The following SIN3B variants were observed in gnomAD, a reference collection of about 807,000 sequenced individuals.
SIN3B encodes the protein paired amphipathic helix protein Sin3b.
In SIN3B, 19 loss-of-function variants were observed where a neutral mutation model predicts 120.2. That is an observed-to-expected ratio of 0.16 (90% confidence interval 0.11 to 0.23). The LOEUF is 0.23. Ranked by LOEUF, SIN3B falls within the 10% of genes least tolerant of loss-of-function variation. The pLI, the probability that SIN3B is intolerant of heterozygous loss-of-function variation, is 1.00. For missense variants in SIN3B, 1,073 were observed against 1,573.0 expected, an observed-to-expected ratio of 0.68 and a Z score of 5.38; for synonymous variants, 654 against 653.2, an observed-to-expected ratio of 1.00 and a Z score of -0.02.
chr19:16,871,659 C>T (rs2144624118), intron 14 of SIN3B: 1 of 419,664 alleles, frequency 2.4e-6, no homozygotes, highest in South Asian at 3.1e-5. Context: ...GAGACCCCAT[C>T]CCCATCAGCA....
In SIN3B at chr19:16,876,636, C is replaced by T; in HGVS notation, c.2859+58C>T. On this transcript the variant is annotated intron_variant, in intron 16 of 18. Transcript: ENST00000248054. This position sits in a 1 kb window ranked among gnomAD's most constrained non-coding sequence, Gnocchi z 7.1. ...ACCAGGGAGCGCCTGAGGGCAGCAG[C>T]ATGGGGCTCCCACCAGCCAAGCGCA... 7.3e-7 allele frequency: 1 copy of T among 1,370,292 alleles called. No homozygotes were observed. Among genetic ancestry groups the T allele is most frequent in the African/African-American group, 1.4e-5 (1 of 70,036 alleles). The allele number at this position is 1,370,292 out of a possible 1,614,324, so 84.9% of individuals were successfully genotyped here. A position where few individuals can be genotyped will look rare whatever the true frequency, so the allele number is the denominator to read the frequency against.
At position 16,876,542 on chromosome 19, in the gene SIN3B, C is replaced by T. The variant is rs374038861; in HGVS notation, c.2823C>T (p.Thr941=). 24 of 1,613,374 alleles carry T rather than the reference C, an allele frequency of 1.5e-5. No homozygotes were observed. Among genetic ancestry groups the T allele is most frequent in the East Asian group, 2.2e-5 (1 of 44,876 alleles). ...TCATGACCATCGAGCTCCTGGACACCGAGGAGGCCCAGACGGAGGACCCTG... is the reference window on the plus strand; with the variant it reads ...TCATGACCATCGAGCTCCTGGACACTGAGGAGGCCCAGACGGAGGACCCTG... The part of the protein sequence containing the change: ...QVIMTIELLD[T]EEAQTEDPVE... Residue 941 remains threonine, a synonymous_variant, in exon 16 of 19, where the codon ACC becomes ACT. Coordinates refer to ENST00000248054, the MANE Select transcript of SIN3B (RefSeq NM_001297595.2). This position sits in a 1 kb window ranked among gnomAD's most constrained non-coding sequence, Gnocchi z 7.1.
At position 16,829,457 on chromosome 19, in the gene SIN3B, G is replaced by GCCGGCGGCC; in HGVS notation, c.41_49dup (p.Gly14_Pro16dup). The GCCGGCGGCC allele has an allele frequency of 8.2e-7, 1 of 1,215,468 alleles. No individual in the cohort carries two copies. Among genetic ancestry groups the GCCGGCGGCC allele is most frequent in the Non-Finnish European group, 1.0e-6 (1 of 977,242 alleles). 75.3% of individuals were successfully genotyped at this position (1,215,468 alleles called of 1,614,324 possible). A position where few individuals can be genotyped will look rare whatever the true frequency, so the allele number is the denominator to read the frequency against. The stretch of plus-strand genomic sequence containing the variant: ...TGGCGGTGGCAGCGGTGGCAGCGGT[G>GCCGGCGGCC]CCGGCGGCCCCGCGGGCCGGGGGCT... On this transcript the variant is annotated inframe_insertion, in exon 1 of 19. Coordinates refer to ENST00000248054, the MANE Select transcript of SIN3B (RefSeq NM_001297595.2).
chr19:16,864,820 ATCTATACAAAAAAAAAATTTTTTTTTT>A (rs1160343704), intron 10 of SIN3B, among the ~76,000 whole-genome samples: 2 of 149,658 alleles, frequency 1.3e-5, no homozygotes, highest in Admixed American at 1.3e-4. Flanking sequence ...GCAAGAGCCC[ATCTATACAAAAAAAAAATTTTTTTTTT>A]TTTTTGAGAC....
chr19:16,832,373 T>G (rs1971290474), intron 3 of SIN3B, among the ~76,000 whole-genome samples: 1 of 151,796 alleles, frequency 6.6e-6, no homozygotes, highest in African/African-American at 2.4e-5. Flanking sequence ...AATTTTTGTA[T>G]TTTTAGTAGA....
chr19:16,835,167 C>G (rs570101330), intron 3 of SIN3B, among the ~76,000 whole-genome samples: 1 of 151,660 alleles, frequency 6.6e-6, no homozygotes, highest in Non-Finnish European at 1.5e-5. Flanking sequence ...CTCACGTGAT[C>G]TGCCTGCCTC....
chr19:16,871,477 G>A, intron 14 of SIN3B, 79 bp downstream of exon 14: 1 of 1,397,150 alleles, frequency 7.2e-7, no homozygotes, highest in Non-Finnish European at 9.7e-7. Flanking sequence ...GCTCGGGAGG[G>A]GGCCCGTGGT....
chr19:16,873,351 T>C (rs1391073200), intron 14 of SIN3B, among the ~76,000 whole-genome samples: 1 of 152,114 alleles, frequency 6.6e-6, no homozygotes, highest in African/African-American at 2.4e-5. Flanking sequence ...CCCCTCCACT[T>C]TCCCTCCGTG....
chr19:16,865,315 C>CCG, intron 10 of SIN3B, 95 bp from the exon 11 acceptor site: 1 of 550,858 alleles, frequency 1.8e-6, no homozygotes, highest in South Asian at 1.8e-5. Flanking sequence ...CACCCCCCCC[C>CCG]CAAAAAAATC....
intron 14 of SIN3B, among the ~76,000 whole-genome samples, chr19:16,872,068 C>T (rs1230552620): frequency 6.6e-6 from 1 of 152,126 alleles, no homozygotes; most frequent in African/African-American, 2.4e-5. Flanking sequence ...ATATAAACAG[C>T]AGACGTCCCA....
In SIN3B at chr19:16,862,851, C is replaced by G. The variant is rs375899618; in HGVS notation, c.1266+292C>G. ...TTGCTGCCATGATTCTGCTCTGTCC[C>G]GGGCTCACTGACCTCAGTGTGTTTC... On this transcript the variant is annotated intron_variant, in intron 9 of 18. Coordinates refer to ENST00000248054, the MANE Select transcript of SIN3B (RefSeq NM_001297595.2). This position sits in a 1 kb window ranked among gnomAD's most constrained non-coding sequence, Gnocchi z 4.7. 1.3e-6 allele frequency: 2 copies of G among 1,526,216 alleles called. No homozygotes were observed. The highest frequency in any genetic ancestry group is 1.8e-6 in the Non-Finnish European group (2 of 1,100,084). The allele number at this position is 1,526,216 out of a possible 1,614,324, so 94.5% of individuals were successfully genotyped here.
At chr19:16,830,500 G>A (rs1971265313) in intron 2 of SIN3B, among the ~76,000 whole-genome samples, 1 of 152,148 alleles carries the variant, frequency 6.6e-6, no homozygotes, top group South Asian at 2.1e-4. Context: ...TGTTTTTATA[G>A]GAGACTCACT....
In SIN3B at chr19:16,879,451, C is replaced by T. The variant is rs1452135018; in HGVS notation, c.*724C>T. ...AAGGGGAGGGACCCCAGCCAGTATT[C>T]CCTCAGAGCCGGCACGACCCTGCTG... On this transcript the variant is annotated 3_prime_UTR_variant, in exon 19 of 19. Coordinates refer to ENST00000248054, the MANE Select transcript of SIN3B (RefSeq NM_001297595.2). 6.6e-6 allele frequency: 1 copy of T among 152,468 alleles called. No individual in the cohort carries two copies. The highest frequency in any genetic ancestry group is 2.4e-5 in the African/African-American group (1 of 41,462). 9.4% of individuals were successfully genotyped at this position (152,468 alleles called of 1,614,324 possible).
At chr19:16,840,885 C>T (rs1042526385) in intron 3 of SIN3B, among the ~76,000 whole-genome samples, 5 of 152,080 alleles carry the variant, frequency 3.3e-5, no homozygotes, top group African/African-American at 7.2e-5. Flanking sequence ...TGACGGGCCG[C>T]GGAGAAAAAT....
At chr19:16,849,952 G>A (rs1345505098) in intron 5 of SIN3B, among the ~76,000 whole-genome samples, 3 of 141,444 alleles carry the variant, frequency 2.1e-5, no homozygotes, top group South Asian at 2.2e-4. Context: ...TGAGACCTCC[G>A]TCTCAAAAAA....
chr19:16,835,947 C>G (rs1971343164), intron 3 of SIN3B, among the ~76,000 whole-genome samples: 1 of 152,138 alleles, frequency 6.6e-6, no homozygotes, highest in African/African-American at 2.4e-5. Context: ...GGCCAGTATT[C>G]TCTGTTGCTT....
intron 16 of SIN3B, 52 bp from the exon 17 acceptor site, chr19:16,877,493 G>GC (rs1393041334): frequency 1.5e-6 from 2 of 1,342,722 alleles, no homozygotes; most frequent in Non-Finnish European, 2.1e-6. Flanking sequence ...AGTAAGAGTG[G>GC]CCATAGCCCT....
Position 16,876,141 on chromosome 19 carries a change from C to G in SIN3B, c.2679C>G (p.Asn893Lys). 1.9e-6 allele frequency: 3 copies of G among 1,611,124 alleles called. No homozygotes were observed. Among genetic ancestry groups the G allele is most frequent in the Non-Finnish European group, 2.5e-6 (3 of 1,179,328 alleles). Residue 893 changes from asparagine (N) to lysine (K), a missense_variant, in exon 15 of 19, where the codon AAC becomes AAG. Asn to Lys is a moderately conservative substitution (Grantham distance 94). Transcript: ENST00000248054. This position sits in a 1 kb window ranked among gnomAD's most constrained non-coding sequence, Gnocchi z 7.1. ...NEKKRGAAGGNLSSRCVRAAR... is the reference protein window; with the variant it reads ...NEKKRGAAGGKLSSRCVRAAR... ...AGAAGCGGGGTGCCGCTGGTGGGAA[C>G]CTGTCCTCCCGCTGCGTCCGCGCTG...
intron 3 of SIN3B, 118 bp from the exon 4 acceptor site, chr19:16,841,650 A>G (rs1971418259): frequency 4.2e-6 from 4 of 952,132 alleles, no homozygotes; most frequent in Non-Finnish European, 6.6e-6. Flanking sequence ...TGTCTCTAAT[A>G]CAGCTTGGCT....
Sources: allele counts gnomAD v4.1 joint callset (sites outside exome capture counted in the v4.1 genomes callset), GRCh38; gene constraint gnomAD v4.1.1; non-coding constraint Gnocchi (gnomAD v3.1); transcripts MANE v1.5; gene names NCBI Gene and HGNC (gene_info 2026-07-23, HGNC 2026-07-21).